Variants in CGAS observed in about 807,000 individuals in gnomAD.
The protein encoded by CGAS is 2'3'-cGAMP synthase.
Under a neutral mutation model 34.0 loss-of-function variants are expected in CGAS, and 31 were observed. The observed-to-expected ratio is 0.91, with a 90% CI of 0.69 to 1.23. The LOEUF is 1.23. Ranked by LOEUF, CGAS falls within the 50% of genes most tolerant of loss-of-function variation. The pLI, the probability that CGAS is intolerant of heterozygous loss-of-function variation, is 0.00. For synonymous variants in CGAS, 266 were observed against 260.0 expected (o/e 1.02, Z -0.22); for missense variants, 597 against 657.6 (o/e 0.91, Z 1.01).
In CGAS at chr6:73,425,584, G is replaced by A; in HGVS notation, c.1218-6C>T. 6.5e-6 allele frequency: 10 copies of A among 1,533,578 alleles called. No individual in the cohort carries two copies. Among genetic ancestry groups the A allele is most frequent in the Non-Finnish European group, 8.8e-6 (10 of 1,134,402 alleles). The allele number at this position is 1,533,578 out of a possible 1,614,324, so 95.0% of individuals were successfully genotyped here. A position where few individuals can be genotyped will look rare whatever the true frequency, so the allele number is the denominator to read the frequency against. On this transcript the variant is annotated splice_polypyrimidine_tract_variant and splice_region_variant and intron_variant, in intron 4 of 4. Coordinates refer to ENST00000370315, the MANE Select transcript of CGAS (RefSeq NM_138441.3). ...TTAGTTTTAAACAATCTTTCCTGTT[G>A]AATAAAAAAGGAAAACACTTATTTT... is the stretch of plus-strand genomic sequence containing the variant.
At chr6:73,447,800 A>T (rs1332206882) in intron 1 of CGAS, among the ~76,000 whole-genome samples, 1 of 152,072 alleles carries the variant, frequency 6.6e-6, no homozygotes, top group African/African-American at 2.4e-5. Context: ...TTTGTTTTTA[A>T]TCTTGTTAGT....
In CGAS at chr6:73,451,709, G is replaced by C; in HGVS notation, c.473C>G (p.Ala158Gly). Reference protein sequence around the residue: ...VSAPILVRRDAAPGASKLRAV... With the variant: ...VSAPILVRRDGAPGASKLRAV... The stretch of plus-strand genomic sequence containing the variant: ...CCGGAGCTTCGAGGCCCCAGGCGCC[G>C]CATCCCTCCGTACGAGAATGGGGGC... The change falls in exon 1 of 5, where the codon GCG becomes GGG. Residue 158 changes from alanine (A) to glycine (G), a missense_variant. Ala to Gly is a moderately conservative substitution (Grantham distance 60, BLOSUM62 0). This residue lies in a region of CGAS where 321 missense variants were observed against 314.3 expected (regional missense o/e 1.02). Coordinates refer to ENST00000370315, the MANE Select transcript of CGAS (RefSeq NM_138441.3). 1 of 1,613,588 alleles carries C rather than the reference G, an allele frequency of 6.2e-7. No homozygotes were observed. The highest frequency in any genetic ancestry group is 8.5e-7 in the Non-Finnish European group (1 of 1,179,960).
At chr6:73,447,871 T>C (rs1428760944) in intron 1 of CGAS, among the ~76,000 whole-genome samples, 1 of 152,258 alleles carries the variant, frequency 6.6e-6, no homozygotes, top group East Asian at 1.9e-4. Flanking sequence ...GCTAATTTAC[T>C]AATTATTTCC....
rs1347065196 is a variant in CGAS at position 73,445,563 on chromosome 6, C to T, written c.842G>A (p.Arg281Lys). 6.2e-7 allele frequency: 1 copy of T among 1,606,384 alleles called. No homozygotes were observed. The highest frequency in any genetic ancestry group is 8.5e-7 in the Non-Finnish European group (1 of 1,178,064). ...GTTAATTTCTTCCTTAATGATTTTC[C>T]TAAACTTTGACAGCATCTTAGAAGC... The part of the protein sequence containing the change: ...LSASKMLSKF[R>K]KIIKEEINDI... The change falls in exon 2 of 5, where the codon AGG becomes AAG. Residue 281 changes from arginine to lysine, a missense_variant. Physicochemically the swap from Arg to Lys is conservative, Grantham distance 26. Transcript: ENST00000370315.
At chr6:73,442,279 A>G (rs1328758070) in intron 2 of CGAS, among the ~76,000 whole-genome samples, 1 of 151,838 alleles carries the variant, frequency 6.6e-6, no homozygotes. Context: ...TACATCAGCC[A>G]TCTCTCCCTC....
intron 1 of CGAS, 97 bp from the exon 2 acceptor site, chr6:73,445,844 A>AGGCCGGGCGCGGTGGCTCACGCCTGT: frequency 1.1e-6 from 1 of 880,224 alleles, no homozygotes; most frequent in Middle Eastern, 3.3e-4. Context: ...ACTTTACTTT[A>AGGCCGGGCGCGGTGGCTCACGCCTGT]AAAAGCAAGA....
Position 73,425,145 on chromosome 6 carries a change from G to A in CGAS, c.*82C>T, listed in dbSNP as rs764904396. On this transcript the variant is annotated 3_prime_UTR_variant, in exon 5 of 5. Coordinates refer to ENST00000370315, the MANE Select transcript of CGAS (RefSeq NM_138441.3). ...TGGGATTACAGGTGTGAGCCACAGC[G>A]TCTGGCCCCTTTTCAAATTTTTCTT... 4.9e-5 allele frequency: 51 copies of A among 1,041,602 alleles called. 1 individual carries two copies. Among genetic ancestry groups the A allele is most frequent in the Admixed American group, 5.7e-5 (2 of 35,372 alleles). 64.5% of individuals were successfully genotyped at this position (1,041,602 alleles called of 1,614,324 possible).
At chr6:73,440,166 C>G (rs1375884448) in intron 3 of CGAS, 43 bp downstream of exon 3, 1 of 1,539,876 alleles carries the variant, frequency 6.5e-7, no homozygotes, top group South Asian at 1.2e-5. Flanking sequence ...ATAACATTAA[C>G]AACTCTTTTA....
chr6:73,426,600 C>CCT (rs1770093655), intron 4 of CGAS, among the ~76,000 whole-genome samples: 1 of 151,050 alleles, frequency 6.6e-6, no homozygotes, highest in South Asian at 2.1e-4. Flanking sequence ...CTCACTGCAA[C>CCT]CTCTGACCCT....
intron 4 of CGAS, among the ~76,000 whole-genome samples, chr6:73,426,481 T>C (rs1379754899): frequency 1.3e-5 from 2 of 151,658 alleles, no homozygotes; most frequent in African/African-American, 4.8e-5. Flanking sequence ...ATATATTCTA[T>C]GAATTTCTTC....
rs370272614 is a variant in CGAS at position 73,429,757 on chromosome 6, T to C, written c.1115-946A>G. ...AGGAGAATGGCGCGAACCCGGGAGG[T>C]GGAGCTTGCAGTGAGCGGAGATCGC... On this transcript the variant is annotated intron_variant, in intron 3 of 4. Coordinates refer to ENST00000370315, the MANE Select transcript of CGAS (RefSeq NM_138441.3). Among the ~76,000 whole-genome samples, 79 of 151,602 alleles carry C rather than the reference T, an allele frequency of 5.2e-4. No homozygotes were observed. In the South Asian group the frequency reaches 5.6e-3, roughly 11 times the overall value.
intron 2 of CGAS, among the ~76,000 whole-genome samples, chr6:73,444,358 G>C (rs1158512695): frequency 1.3e-5 from 2 of 150,790 alleles, no homozygotes; most frequent in African/African-American, 4.9e-5. Context: ...ACTCAGGCTG[G>C]AGTGCAATGC....
chr6:73,440,918 C>A (rs7746041), intron 2 of CGAS, among the ~76,000 whole-genome samples: 3,787 of 150,922 alleles, frequency 0.025, 67 homozygotes, highest in South Asian at 0.051. Flanking sequence ...GAAAAAAAAA[C>A]AAAAAACAAA....
intron 3 of CGAS, among the ~76,000 whole-genome samples, chr6:73,437,491 T>G (rs1013650240): frequency 6.6e-6 from 1 of 151,932 alleles, no homozygotes; most frequent in African/African-American, 2.4e-5. Context: ...CAGGATGGAG[T>G]GCAGTGGCAT....
At chr6:73,434,679 G>A (rs1367854332) in intron 3 of CGAS, among the ~76,000 whole-genome samples, 4 of 151,620 alleles carry the variant, frequency 2.6e-5, no homozygotes, top group Admixed American at 6.6e-5. Context: ...ATGGAGTCTC[G>A]CTGTGTCTCC....
rs3959830 is a variant in CGAS, at chr6:73,424,263, T to A, written c.*964A>T. ...TCCTGGCTAACATGGTGAAACCCCA[T>A]CTTTACTAAAAATACAAAAAATTAG... On this transcript the variant is annotated 3_prime_UTR_variant, in exon 5 of 5. Transcript: ENST00000370315. 0.063 allele frequency: 9,644 copies of A among 152,136 alleles called. 511 individuals carry two copies. The highest frequency in any genetic ancestry group is 0.16 in the Admixed American group (2,366 of 15,220). The allele number at this position is 152,136 out of a possible 1,614,324, so 9.4% of individuals were successfully genotyped here.
chr6:73,437,734 T>C (rs1234892020), intron 3 of CGAS, among the ~76,000 whole-genome samples: 1 of 152,166 alleles, frequency 6.6e-6, no homozygotes, highest in Non-Finnish European at 1.5e-5. Flanking sequence ...ACTAGTATTA[T>C]TTTGCAACAG....
At chr6:73,441,918 G>C (rs1009564124) in intron 2 of CGAS, among the ~76,000 whole-genome samples, 5 of 152,096 alleles carry the variant, frequency 3.3e-5, no homozygotes, top group South Asian at 2.1e-4. Context: ...GCCCAGGCTG[G>C]ATGCAGTGCA....
chr6:73,442,262 C>A (rs1208301494), intron 2 of CGAS, among the ~76,000 whole-genome samples: 1 of 152,100 alleles, frequency 6.6e-6, no homozygotes, highest in Non-Finnish European at 1.5e-5. Context: ...TCAAGTATTT[C>A]CTCTCCTACA....
Sources: gnomAD v4.1 joint callset for allele counts (sites outside exome capture counted in the v4.1 genomes callset) on GRCh38, gnomAD v4.1.1 for gene constraint, gnomAD v4.1.1 regional missense constraint, MANE v1.5 for transcripts, NCBI Gene and HGNC (gene_info 2026-07-23, HGNC 2026-07-21) for gene names.